The following CCDC7 variants were observed in gnomAD, a reference collection of about 807,000 sequenced individuals.
CCDC7 encodes the protein coiled-coil domain-containing protein 7.
In CCDC7, 183 loss-of-function variants were observed where a neutral mutation model predicts 196.9. The ratio of observed to expected loss-of-function variants is 0.93; its 90% CI spans 0.82 to 1.05. CCDC7 has a LOEUF of 1.05. Ranked by LOEUF, CCDC7 falls within the 50% of genes least tolerant of loss-of-function variation. CCDC7 has a pLI of 0.00. For missense variants in CCDC7, 1,540 were observed against 1,482.2 expected (o/e 1.04, Z -0.64); for synonymous variants, 525 against 484.6 (o/e 1.08, Z -1.10).
chr10:32,590,169 A>G (rs1368842206), intron 18 of CCDC7, among the ~76,000 whole-genome samples: 2 of 151,808 alleles, frequency 1.3e-5, no homozygotes, highest in South Asian at 4.2e-4. Context: ...CTTTTAGTGA[A>G]GGTGATTTTC....
chr10:32,534,322 G>A (rs377250779), intron 11 of CCDC7, among the ~76,000 whole-genome samples: 10 of 152,138 alleles, frequency 6.6e-5, no homozygotes, highest in African/African-American at 2.4e-4. Context: ...GTGCTACCTT[G>A]GAGATCACTG....
At chr10:32,604,082 G>C (rs1452876269) in intron 18 of CCDC7, among the ~76,000 whole-genome samples, 1 of 152,018 alleles carries the variant, frequency 6.6e-6, no homozygotes, top group Non-Finnish European at 1.5e-5. Context: ...ATAGTTTCAG[G>C]TCTTACATTT....
chr10:32,803,131 T>C (rs1592918259), intron 29 of CCDC7, among the ~76,000 whole-genome samples: 1 of 152,246 alleles, frequency 6.6e-6, no homozygotes, highest in Non-Finnish European at 1.5e-5. Flanking sequence ...TGGCCTGATA[T>C]GTGATCTTCC....
chr10:32,812,751 A>T (rs1013441621), intron 30 of CCDC7, among the ~76,000 whole-genome samples: 1 of 152,144 alleles, frequency 6.6e-6, no homozygotes, highest in African/African-American at 2.4e-5. Context: ...AATTTCTAGT[A>T]TTTAACCCAA....
At chr10:32,664,978 C>T (rs2072331446) in intron 21 of CCDC7, among the ~76,000 whole-genome samples, 1 of 151,940 alleles carries the variant, frequency 6.6e-6, no homozygotes, top group African/African-American at 2.4e-5. Context: ...CAGCACTTCT[C>T]TTCCATCTTT....
At chr10:32,609,398 CTT>C (rs1170464340) in intron 18 of CCDC7, among the ~76,000 whole-genome samples, 1 of 151,900 alleles carries the variant, frequency 6.6e-6, no homozygotes, top group Non-Finnish European at 1.5e-5. Flanking sequence ...GACTTAGAGT[CTT>C]TTTTATCTGA....
intron 28 of CCDC7, among the ~76,000 whole-genome samples, chr10:32,758,351 A>G (rs1017045380): frequency 6.6e-6 from 1 of 152,232 alleles, no homozygotes; most frequent in Non-Finnish European, 1.5e-5. Context: ...AAAATCCTCA[A>G]TGAAATACTG....
chr10:32,487,670 A>T (rs574316145), intron 8 of CCDC7, among the ~76,000 whole-genome samples: 3 of 152,184 alleles, frequency 2.0e-5, no homozygotes, highest in South Asian at 4.1e-4. Context: ...TTTGGTGTGG[A>T]TGTCCTTTCT....
chr10:32,816,398 C>A (rs1163207770), intron 31 of CCDC7, among the ~76,000 whole-genome samples: 1 of 152,204 alleles, frequency 6.6e-6, no homozygotes, highest in Non-Finnish European at 1.5e-5. Flanking sequence ...TCTGTAGACT[C>A]CACCTCTGGG....
At chr10:32,776,839 C>T (rs76863725) in intron 28 of CCDC7, among the ~76,000 whole-genome samples, 6,479 of 150,886 alleles carry the variant, frequency 0.043, 181 homozygotes, top group Middle Eastern at 0.069. Context: ...GTACTATGTA[C>T]TATACTTCTG....
At chr10:32,705,394 G>A (rs1427435967) in intron 24 of CCDC7, among the ~76,000 whole-genome samples, 1 of 152,066 alleles carries the variant, frequency 6.6e-6, no homozygotes, top group Non-Finnish European at 1.5e-5. Context: ...TCGATGCTAG[G>A]AAGAAACTGC....
At chr10:32,511,815 G>T in intron 9 of CCDC7, 2 of 966,488 alleles carry the variant, frequency 2.1e-6, no homozygotes, top group Non-Finnish European at 3.2e-6. Context: ...TGACGCGCCA[G>T]CTCTGCCCGC....
At chr10:32,804,373 A>G (rs2085391118) in intron 29 of CCDC7, among the ~76,000 whole-genome samples, 1 of 152,202 alleles carries the variant, frequency 6.6e-6, no homozygotes, top group Admixed American at 6.5e-5. Flanking sequence ...AAATTTAATC[A>G]TATCCTAAGC....
At chr10:32,593,347 T>A (rs1440070937) in intron 18 of CCDC7, among the ~76,000 whole-genome samples, 1 of 152,246 alleles carries the variant, frequency 6.6e-6, no homozygotes, top group Admixed American at 6.5e-5. Flanking sequence ...AAATATCTTC[T>A]TTTGAGAAGT....
In CCDC7 at chr10:32,492,009, T is replaced by A; in HGVS notation, c.872+12T>A. 1 of 1,523,612 alleles carries A rather than the reference T, an allele frequency of 6.6e-7. No individual in the cohort carries two copies. Among genetic ancestry groups the A allele is most frequent in the East Asian group, 2.4e-5 (1 of 41,806 alleles). The allele number at this position is 1,523,612 out of a possible 1,614,324, so 94.4% of individuals were successfully genotyped here. On this transcript the variant is annotated intron_variant, in intron 9 of 41. Transcript: ENST00000639629. ...AATATGTTGGAGAGGTAAGCTTTTT[T>A]GTTTTTGCATTTTATTATTTTTCTA... is the stretch of plus-strand genomic sequence containing the variant.
chr10:32,879,066 T>TA (rs397948503), downstream of CCDC7, among the ~76,000 whole-genome samples: 8 of 151,910 alleles, frequency 5.3e-5, no homozygotes, highest in South Asian at 4.2e-4. Flanking sequence ...ATTTTTTTTT[T>TA]ATTTAAGTTC....
intron 13 of CCDC7, among the ~76,000 whole-genome samples, chr10:32,554,256 A>G (rs1013058786): frequency 3.3e-5 from 5 of 152,238 alleles, no homozygotes; most frequent in Non-Finnish European, 5.9e-5. Flanking sequence ...CACAGCTGCG[A>G]AAGAAAAGGG....
In CCDC7 at chr10:32,632,138, TTG is replaced by T. The variant is rs1491142438; in HGVS notation, c.1802-2115_1802-2114del. ...TCCAGATACATTTTATTTCTTTTTTTTGGGGGGGGGGGGGTCTAATTTCTCTG... is the reference window on the plus strand; with the variant it reads ...TCCAGATACATTTTATTTCTTTTTTTGGGGGGGGGGGGTCTAATTTCTCTG... On this transcript the variant is annotated intron_variant, in intron 18 of 41. Transcript: ENST00000639629. Among the ~76,000 whole-genome samples, 48 of 16,554 alleles carry T rather than the reference TTG, an allele frequency of 2.9e-3. 1 individual carries two copies. Among genetic ancestry groups the T allele is most frequent in the Non-Finnish European group, 5.7e-3 (24 of 4,216 alleles). The allele number at this position is 16,554 out of a possible 152,430, so 10.9% of individuals were successfully genotyped here.
At chr10:32,493,362 T>C (rs1191390995) in intron 9 of CCDC7, among the ~76,000 whole-genome samples, 4 of 149,278 alleles carry the variant, frequency 2.7e-5, no homozygotes, top group Non-Finnish European at 4.5e-5. Flanking sequence ...TGGATAATAT[T>C]TTATATTTAT....
Sources: allele counts gnomAD v4.1 joint callset (sites outside exome capture counted in the v4.1 genomes callset), GRCh38; gene constraint gnomAD v4.1.1; transcripts MANE v1.5; gene names NCBI Gene and HGNC (gene_info 2026-07-23, HGNC 2026-07-21).